SIK3: variants seen among roughly 807,000 people sequenced by gnomAD.
SIK3 encodes the protein serine/threonine-protein kinase SIK3.
A neutral mutation model predicts 144.2 loss-of-function variants in SIK3; 28 were observed. The ratio of observed to expected loss-of-function variants is 0.19; its 90% CI spans 0.14 to 0.27. SIK3 has a LOEUF of 0.27. SIK3 is among the 10% of genes least tolerant of loss of function. SIK3 has a pLI of 1.00. For missense variants in SIK3, 1,319 were observed against 1,776.0 expected, an observed-to-expected ratio of 0.74 and a Z score of 4.62; for synonymous variants, 686 against 676.3, an observed-to-expected ratio of 1.01 and a Z score of -0.22.
chr11:117,030,832 A>T (rs890721829), intron 1 of SIK3, among the ~76,000 whole-genome samples: 4 of 152,130 alleles, frequency 2.6e-5, no homozygotes, highest in African/African-American at 9.7e-5. Flanking sequence ...CAGTGCACCC[A>T]GGCTTTTTAA....
At chr11:116,967,536 T>C (rs1010727369) in intron 1 of SIK3, among the ~76,000 whole-genome samples, 2 of 152,122 alleles carry the variant, frequency 1.3e-5, no homozygotes, top group Non-Finnish European at 2.9e-5. Flanking sequence ...AGGAGCTGAG[T>C]GAACCAAGGA....
intron 3 of SIK3, among the ~76,000 whole-genome samples, chr11:116,941,914 C>T (rs1214460752): frequency 2.6e-5 from 4 of 152,154 alleles, no homozygotes; most frequent in Non-Finnish European, 5.9e-5. Context: ...TTTCTCAATT[C>T]TGTTTGTAAC....
intron 3 of SIK3, among the ~76,000 whole-genome samples, chr11:116,934,762 C>T (rs933962026): frequency 1.3e-5 from 2 of 151,776 alleles, no homozygotes; most frequent in Admixed American, 6.6e-5. Context: ...AGCAAGACCC[C>T]ATTGCTACAA....
intron 1 of SIK3, among the ~76,000 whole-genome samples, chr11:117,024,455 A>C (rs1234600975): frequency 6.6e-6 from 1 of 152,218 alleles, no homozygotes; most frequent in Non-Finnish European, 1.5e-5. Flanking sequence ...AATAAAGACT[A>C]TCTTGGAAGA....
intron 3 of SIK3, among the ~76,000 whole-genome samples, chr11:116,932,096 A>G (rs1447481946): frequency 6.6e-6 from 1 of 152,062 alleles, no homozygotes; most frequent in African/African-American, 2.4e-5. Context: ...AGCAAATTCT[A>G]TTAACTCTAC....
At chr11:116,930,198 T>A (rs910685632) in intron 3 of SIK3, among the ~76,000 whole-genome samples, 32 of 152,276 alleles carry the variant, frequency 2.1e-4, no homozygotes, top group African/African-American at 7.5e-4. Context: ...CTCCTTCCAG[T>A]GGCTCAATCG....
chr11:116,953,063 C>A (rs1369570878), intron 3 of SIK3, among the ~76,000 whole-genome samples: 2 of 151,840 alleles, frequency 1.3e-5, no homozygotes, highest in African/African-American at 2.4e-5. Flanking sequence ...CTTTGACACA[C>A]AAAAAAACAC....
chr11:117,013,967 C>CTTTTTTTTT (rs1951406146), intron 1 of SIK3, among the ~76,000 whole-genome samples: 10 of 7,366 alleles, frequency 1.4e-3, no homozygotes, highest in East Asian at 2.5e-3. Flanking sequence ...TTCTTTTTTT[C>CTTTTTTTTT]TTTTCTTTTT....
chr11:117,002,985 T>G (rs560812546), intron 1 of SIK3, among the ~76,000 whole-genome samples: 1 of 152,320 alleles, frequency 6.6e-6, no homozygotes, highest in East Asian at 1.9e-4. Flanking sequence ...TTGCCAGCAA[T>G]GAAAAGCAGT....
At chr11:116,950,661 C>T (rs1948891254) in intron 3 of SIK3, among the ~76,000 whole-genome samples, 1 of 152,230 alleles carries the variant, frequency 6.6e-6, no homozygotes, top group Admixed American at 6.5e-5. Context: ...AACTCTTCTG[C>T]TCAACTTACT....
chr11:117,090,035 A>G (rs1955175092), intron 1 of SIK3, among the ~76,000 whole-genome samples: 1 of 152,268 alleles, frequency 6.6e-6, no homozygotes, highest in Admixed American at 6.5e-5. Context: ...CGCTTCCGCA[A>G]TTCTATTCTG....
At chr11:117,054,967 A>C (rs1256323823) in intron 1 of SIK3, among the ~76,000 whole-genome samples, 1 of 152,228 alleles carries the variant, frequency 6.6e-6, no homozygotes, top group Admixed American at 6.5e-5. Flanking sequence ...AATATTTATT[A>C]AGATATTAGT....
intron 1 of SIK3, among the ~76,000 whole-genome samples, chr11:116,984,740 T>C (rs1192232799): frequency 6.6e-6 from 1 of 152,188 alleles, no homozygotes; most frequent in African/African-American, 2.4e-5. Flanking sequence ...ACAAGTCTTC[T>C]GAGATCATCC....
chr11:116,955,399 AAAAT>A (rs568647090), intron 2 of SIK3, among the ~76,000 whole-genome samples: 2 of 152,096 alleles, frequency 1.3e-5, no homozygotes, highest in African/African-American at 2.4e-5. Context: ...CTTCGTCTCA[AAAAT>A]AAATAAATAA....
chr11:116,889,606 A>G (rs1215855190), intron 6 of SIK3, among the ~76,000 whole-genome samples: 2 of 152,150 alleles, frequency 1.3e-5, no homozygotes, highest in African/African-American at 4.8e-5. Context: ...ATTTTTAAAA[A>G]ATATATTGGC....
intron 1 of SIK3, among the ~76,000 whole-genome samples, chr11:116,992,380 A>G (rs1455825635): frequency 6.7e-6 from 1 of 149,880 alleles, no homozygotes; most frequent in African/African-American, 2.5e-5. Context: ...GCATTTATAT[A>G]GCAATTCTTA....
At chr11:116,911,218 A>T (rs989185134) in intron 4 of SIK3, among the ~76,000 whole-genome samples, 65 of 152,212 alleles carry the variant, frequency 4.3e-4, no homozygotes, top group African/African-American at 1.6e-3. Context: ...ACTCATTAAA[A>T]ATGATGAGGC....
intron 1 of SIK3, among the ~76,000 whole-genome samples, chr11:116,963,714 T>C (rs1949428268): frequency 6.6e-6 from 1 of 152,198 alleles, no homozygotes; most frequent in South Asian, 2.1e-4. Flanking sequence ...TCTAGAATAG[T>C]ACCATGTTTG....
intron 3 of SIK3, among the ~76,000 whole-genome samples, chr11:116,944,384 GGC>G (rs1272371952): frequency 1.3e-5 from 2 of 152,064 alleles, no homozygotes; most frequent in Non-Finnish European, 2.9e-5. Flanking sequence ...ATACATTGTT[GGC>G]TGCACAACAG....
Sources: allele counts gnomAD v4.1 joint callset (sites outside exome capture counted in the v4.1 genomes callset), GRCh38; gene constraint gnomAD v4.1.1; transcripts MANE v1.5; gene names NCBI Gene and HGNC (gene_info 2026-07-23, HGNC 2026-07-21).